NCOR1: variants seen among roughly 807,000 people sequenced by gnomAD.
NCOR1 encodes protein phosphatase 1, regulatory subunit 109.
A neutral mutation model predicts 288.1 loss-of-function variants in NCOR1; 63 were observed. The observed-to-expected ratio is 0.22, with a 90% CI of 0.18 to 0.27. NCOR1 has a LOEUF of 0.27. Ranked by LOEUF, NCOR1 falls within the 10% of genes least tolerant of loss-of-function variation. NCOR1 has a pLI of 1.00. For missense variants in NCOR1, 2,397 were observed against 3,019.2 expected (o/e 0.79, Z 4.83); for synonymous variants, 1,007 against 1,065.9 (o/e 0.94, Z 1.08).
chr17:16,089,498 G>A (rs1270580516), intron 22 of NCOR1, among the ~76,000 whole-genome samples: 1 of 151,668 alleles, frequency 6.6e-6, no homozygotes, highest in East Asian at 1.9e-4. Flanking sequence ...ACTTAAAACA[G>A]GCATACCTAC....
chr17:16,071,833 A>G (rs2061793855), intron 29 of NCOR1, among the ~76,000 whole-genome samples, 168 bp from the exon 30 acceptor site: 1 of 152,208 alleles, frequency 6.6e-6, no homozygotes, highest in African/African-American at 2.4e-5. Context: ...CTTTCTGTTT[A>G]CAGTAGATCC....
chr17:16,111,759 G>C (rs955045880), intron 18 of NCOR1, among the ~76,000 whole-genome samples: 3 of 152,004 alleles, frequency 2.0e-5, no homozygotes, highest in African/African-American at 7.2e-5. Flanking sequence ...ACAATCACAG[G>C]AGCCAGTTCC....
intron 27 of NCOR1, 125 bp downstream of exon 27, chr17:16,075,409 T>C (rs2062318319): frequency 4.7e-6 from 5 of 1,059,256 alleles, no homozygotes; most frequent in Middle Eastern, 3.2e-4. Context: ...CCCCATTTAC[T>C]GAGAGAAAAC....
At chr17:16,197,887 C>G (rs892477876) in intron 1 of NCOR1, among the ~76,000 whole-genome samples, 4 of 152,034 alleles carry the variant, frequency 2.6e-5, no homozygotes, top group African/African-American at 9.7e-5. Context: ...CGAAAAATCT[C>G]CTCGCCCTTC....
chr17:16,047,190 C>G (rs1480093062), intron 41 of NCOR1, 97 bp from the exon 42 acceptor site: 9 of 1,234,464 alleles, frequency 7.3e-6, no homozygotes, highest in Non-Finnish European at 1.0e-5. Flanking sequence ...ACTTAGAAAA[C>G]TACTGCCTCC....
chr17:16,065,753 A>C, intron 32 of NCOR1, 59 bp from the exon 33 acceptor site: 1 of 1,460,826 alleles, frequency 6.8e-7, no homozygotes, highest in Non-Finnish European at 9.6e-7. Context: ...TACATTTGCT[A>C]AACACCACGT....
At chr17:16,068,256 T>G in intron 31 of NCOR1, 135 bp from the exon 32 acceptor site, 1 of 712,936 alleles carries the variant, frequency 1.4e-6, no homozygotes, top group Non-Finnish European at 2.3e-6. Context: ...CATTTAACAT[T>G]CAATATTGCA....
intron 21 of NCOR1, among the ~76,000 whole-genome samples, chr17:16,095,202 C>T (rs1424908032): frequency 2.6e-5 from 4 of 150,968 alleles, no homozygotes; most frequent in Admixed American, 6.6e-5. Context: ...ATGTGGGGAG[C>T]GCCTCTACCC....
Position 16,080,009 on chromosome 17 carries a change from T to A in NCOR1, c.3456A>T (p.Lys1152Asn). ...GGGATGGAATGCTCTCCACTGAAAT[T>A]TTGCTGGTTGGAGTTCCCCGAGTTA... is the stretch of plus-strand genomic sequence containing the variant. ...GSITRGTPTS[K>N]ISVESIPSLR... is the part of the protein sequence containing the mutation. The change falls in exon 26 of 46, where the codon AAA (lysine) becomes AAT (asparagine). Residue 1152 changes from lysine (K) to asparagine (N), a missense_variant. By Grantham distance (94) the Lys-to-Asn change is moderately conservative (BLOSUM62 0). Around this residue, in one of 11 missense-constraint regions of NCOR1, gnomAD observed 1,872 missense variants for 2,187.8 expected, o/e 0.86. Coordinates refer to ENST00000268712, the MANE Select transcript of NCOR1 (RefSeq NM_006311.4). The A allele has an allele frequency of 6.2e-7, 1 of 1,614,122 alleles. No homozygotes were observed.
chr17:16,123,014 G>T (rs1030008610), intron 15 of NCOR1, among the ~76,000 whole-genome samples: 4 of 152,030 alleles, frequency 2.6e-5, no homozygotes, highest in African/African-American at 9.7e-5. Context: ...AAGTTCTACC[G>T]GGAGGACTCC....
chr17:16,175,023 T>A (rs1288292308), intron 3 of NCOR1, among the ~76,000 whole-genome samples: 1 of 148,532 alleles, frequency 6.7e-6, no homozygotes, highest in African/African-American at 2.5e-5. Flanking sequence ...AATAGATAAA[T>A]AAACTGTGGT....
intron 11 of NCOR1, among the ~76,000 whole-genome samples, chr17:16,140,570 T>C (rs1288969165): frequency 6.6e-6 from 1 of 152,134 alleles, no homozygotes; most frequent in African/African-American, 2.4e-5. Flanking sequence ...TCCCAGCACT[T>C]TGGGAGGCCA....
intron 6 of NCOR1, among the ~76,000 whole-genome samples, chr17:16,157,140 AC>A (rs1464171802): frequency 8.1e-4 from 123 of 152,230 alleles, no homozygotes; most frequent in Non-Finnish European, 8.8e-5. Context: ...TTTTAAAAAA[AC>A]AAATCAGAGA....
intron 26 of NCOR1, 151 bp from the exon 27 acceptor site, chr17:16,075,853 AT>A (rs2152772579): frequency 1.2e-6 from 1 of 801,460 alleles, no homozygotes; most frequent in Non-Finnish European, 1.9e-6. Context: ...TAGACATTGA[AT>A]TTTTATCAAC....
chr17:16,092,812 C>A (rs1348102303), intron 21 of NCOR1, among the ~76,000 whole-genome samples: 2 of 148,586 alleles, frequency 1.3e-5, no homozygotes, highest in African/African-American at 5.0e-5. Context: ...AATTATCCTG[C>A]CTCAGCCTCC....
chr17:16,146,273 A>G, intron 10 of NCOR1, 103 bp downstream of exon 10: 2 of 1,062,174 alleles, frequency 1.9e-6, no homozygotes, highest in Non-Finnish European at 2.6e-6. Context: ...CTCTCCGAGA[A>G]ACACCCAAGA....
chr17:16,046,665 A>C (rs2058700991), intron 42 of NCOR1, among the ~76,000 whole-genome samples: 1 of 152,198 alleles, frequency 6.6e-6, no homozygotes, highest in South Asian at 2.1e-4. Context: ...GGAGAAAGAA[A>C]AGTAAACTAT....
intron 6 of NCOR1, among the ~76,000 whole-genome samples, chr17:16,158,006 G>A (rs567310548): frequency 1.3e-5 from 2 of 151,222 alleles, no homozygotes; most frequent in East Asian, 3.9e-4. Context: ...TTGAGTTTTG[G>A]TCTGTTGTCT....
At chr17:16,072,797 G>C (rs2061917528) in intron 28 of NCOR1, among the ~76,000 whole-genome samples, 1 of 152,174 alleles carries the variant, frequency 6.6e-6, no homozygotes, top group Admixed American at 6.5e-5. Flanking sequence ...GACTTACCCT[G>C]CTTTTAGTAT....
Sources: gnomAD v4.1 joint callset for allele counts (sites outside exome capture counted in the v4.1 genomes callset) on GRCh38, gnomAD v4.1.1 for gene constraint, gnomAD v4.1.1 regional missense constraint, MANE v1.5 for transcripts, NCBI Gene and HGNC (gene_info 2026-07-23, HGNC 2026-07-21) for gene names.